Variants in GRIK4 observed in about 807,000 individuals in gnomAD.
The protein encoded by GRIK4 is glutamate receptor ionotropic, kainate 4.
In GRIK4, 40 loss-of-function variants were observed where a neutral mutation model predicts 104.9. The ratio of observed to expected loss-of-function variants is 0.38; its 90% CI spans 0.30 to 0.50. GRIK4 has a LOEUF of 0.50. GRIK4 is among the 20% of genes least tolerant of loss of function. GRIK4 has a pLI of 0.93. For synonymous variants in GRIK4, 485 were observed against 524.9 expected (o/e 0.92, Z 1.04); for missense variants, 1,047 against 1,308.1 (o/e 0.80, Z 3.08).
intron 6 of GRIK4, among the ~76,000 whole-genome samples, chr11:120,828,009 G>T (rs915752406): frequency 1.3e-5 from 2 of 152,176 alleles, no homozygotes; most frequent in Non-Finnish European, 2.9e-5. Flanking sequence ...CCTCATGACA[G>T]CCCTTCCTTC....
chr11:120,846,352 G>T (rs1429848290), intron 8 of GRIK4, among the ~76,000 whole-genome samples: 1 of 152,184 alleles, frequency 6.6e-6, no homozygotes, highest in Admixed American at 6.5e-5. Flanking sequence ...AGGAGGATGT[G>T]GTCCAGCAGG....
chr11:120,605,854 G>A (rs868662772), intron 1 of GRIK4, among the ~76,000 whole-genome samples: 11 of 152,238 alleles, frequency 7.2e-5, no homozygotes, highest in African/African-American at 2.4e-4. Context: ...GGTTTTGGTA[G>A]GATGGAGAAA....
chr11:120,609,317 C>T (rs540781008), intron 1 of GRIK4, among the ~76,000 whole-genome samples: 7 of 151,766 alleles, frequency 4.6e-5, no homozygotes, highest in African/African-American at 1.7e-4. Context: ...GCCATCTTGC[C>T]GTGTTGCCCA....
At chr11:120,930,005 G>C (rs950138731) in intron 13 of GRIK4, among the ~76,000 whole-genome samples, 15 of 136,540 alleles carry the variant, frequency 1.1e-4, no homozygotes, top group Admixed American at 2.3e-4. Context: ...CCACGTTTGG[G>C]GGGGGGGTCC....
chr11:120,890,717 C>T (rs1409505873), intron 11 of GRIK4, among the ~76,000 whole-genome samples: 1 of 152,192 alleles, frequency 6.6e-6, no homozygotes, highest in African/African-American at 2.4e-5. Context: ...GAAGTACCTC[C>T]ATTAAGCCTA....
At chr11:120,827,686 T>A (rs1408932521) in intron 6 of GRIK4, among the ~76,000 whole-genome samples, 1 of 152,252 alleles carries the variant, frequency 6.6e-6, no homozygotes, top group African/African-American at 2.4e-5. Context: ...GTAAATTTCT[T>A]CCACTGCCTA....
At chr11:120,517,985 C>T (rs543872333) in intron 1 of GRIK4, among the ~76,000 whole-genome samples, 89 of 152,254 alleles carry the variant, frequency 5.8e-4, no homozygotes, top group Admixed American at 5.2e-4. Flanking sequence ...TTTAAGAAGG[C>T]GTGGAAGATA....
chr11:120,971,921 G>T (rs1944481838), intron 19 of GRIK4, among the ~76,000 whole-genome samples: 1 of 152,194 alleles, frequency 6.6e-6, no homozygotes, highest in African/African-American at 2.4e-5. Context: ...CAACCAATCT[G>T]TCTCACGCTT....
At chr11:120,694,909 C>T (rs1950417601) in intron 3 of GRIK4, among the ~76,000 whole-genome samples, 1 of 152,228 alleles carries the variant, frequency 6.6e-6, no homozygotes, top group Non-Finnish European at 1.5e-5. Context: ...CCCATTGGCT[C>T]CCGCAGCTTT....
intron 3 of GRIK4, among the ~76,000 whole-genome samples, chr11:120,745,240 C>A (rs1190177798): frequency 6.6e-6 from 1 of 152,202 alleles, no homozygotes; most frequent in Non-Finnish European, 1.5e-5. Flanking sequence ...ACTCCTGGAT[C>A]CTGTGATTCT....
In GRIK4 at chr11:120,689,824, C is replaced by T. The variant is rs543162056; in HGVS notation, c.82+29424C>T. On this transcript the variant is annotated intron_variant, in intron 3 of 20. Transcript: ENST00000527524. ...TCTCTGTCTGTTGGTTACTCCCACACCCCCGCCAGGGCAAACTCCTTGAAG... is the reference window on the plus strand; with the variant it reads ...TCTCTGTCTGTTGGTTACTCCCACATCCCCGCCAGGGCAAACTCCTTGAAG... Among the ~76,000 whole-genome samples the T allele has an allele frequency of 3.9e-5, 6 of 152,314 alleles. No homozygotes were observed. The South Asian group carries it at 1.0e-3, about 26-fold the overall frequency.
intron 3 of GRIK4, among the ~76,000 whole-genome samples, chr11:120,798,031 T>C (rs1358017604): frequency 6.6e-6 from 1 of 152,180 alleles, no homozygotes; most frequent in East Asian, 1.9e-4. Context: ...TTCTGGAGGC[T>C]AGGAGTCCAA....
At chr11:120,568,039 A>G (rs2135066792) in intron 1 of GRIK4, among the ~76,000 whole-genome samples, 1 of 152,278 alleles carries the variant, frequency 6.6e-6, no homozygotes, top group South Asian at 2.1e-4. Context: ...TTAGCTGGGC[A>G]TGGTGGTGCC....
At chr11:120,530,765 A>T (rs1947915370) in intron 1 of GRIK4, among the ~76,000 whole-genome samples, 1 of 151,966 alleles carries the variant, frequency 6.6e-6, no homozygotes, top group South Asian at 2.1e-4. Flanking sequence ...AGGTTCCGTG[A>T]TGTAGGAAGA....
intron 1 of GRIK4, among the ~76,000 whole-genome samples, chr11:120,560,507 C>G (rs1948228252): frequency 6.6e-6 from 1 of 152,162 alleles, no homozygotes; most frequent in African/African-American, 2.4e-5. Context: ...CGGAAGTAAA[C>G]TGAATATAGT....
chr11:120,827,163 A>G (rs943606489), intron 6 of GRIK4, among the ~76,000 whole-genome samples: 5 of 152,114 alleles, frequency 3.3e-5, no homozygotes, highest in African/African-American at 1.2e-4. Flanking sequence ...TTATTTTTAT[A>G]ATATTTTTTG....
At chr11:120,847,771 G>C (rs1953885283) in intron 8 of GRIK4, among the ~76,000 whole-genome samples, 1 of 152,196 alleles carries the variant, frequency 6.6e-6, no homozygotes, top group South Asian at 2.1e-4. Flanking sequence ...ATTCCCAAGT[G>C]GACCTGAGTT....
chr11:120,575,146 G>A (rs773320755), intron 1 of GRIK4, among the ~76,000 whole-genome samples: 25 of 152,186 alleles, frequency 1.6e-4, no homozygotes, highest in Non-Finnish European at 2.9e-4. Context: ...AGGTAGACTG[G>A]TGGAGGTGGT....
chr11:120,855,777 G>A (rs1483750478), intron 8 of GRIK4, among the ~76,000 whole-genome samples: 1 of 152,214 alleles, frequency 6.6e-6, no homozygotes, highest in Non-Finnish European at 1.5e-5. Flanking sequence ...TGGCCAGGCT[G>A]GTCCCGGACT....
Sources: gnomAD v4.1 joint callset for allele counts (sites outside exome capture counted in the v4.1 genomes callset) on GRCh38, gnomAD v4.1.1 for gene constraint, MANE v1.5 for transcripts, NCBI Gene and HGNC (gene_info 2026-07-23, HGNC 2026-07-21) for gene names.